Variants in MARCHF1 observed in about 807,000 individuals in gnomAD.
The protein encoded by MARCHF1 is membrane associated ring-CH-type finger 1, also known as E3 ubiquitin-protein ligase MARCHF1.
In MARCHF1, 40 loss-of-function variants were observed where a neutral mutation model predicts 54.2. The ratio of observed to expected loss-of-function variants is 0.74; its 90% CI spans 0.57 to 0.96. The LOEUF (loss-of-function observed/expected upper bound fraction) is 0.96, where lower values mean the gene tolerates loss of function less well. MARCHF1 is among the 40% of genes least tolerant of loss of function. MARCHF1 has a pLI of 0.00. For synonymous variants in MARCHF1, 236 were observed against 236.3 expected (o/e 1.00, Z 0.01); for missense variants, 586 against 656.5 (o/e 0.89, Z 1.17).
At chr4:163,801,950 G>A (rs149655984) in intron 4 of MARCHF1, among the ~76,000 whole-genome samples, 5 of 151,864 alleles carry the variant, frequency 3.3e-5, no homozygotes, top group East Asian at 1.9e-4. Context: ...TAAAATTTCC[G>A]TTGTTTTGGG....
chr4:163,661,388 T>G (rs1033624101), intron 5 of MARCHF1, among the ~76,000 whole-genome samples: 1 of 151,978 alleles, frequency 6.6e-6, no homozygotes, highest in Non-Finnish European at 1.5e-5. Flanking sequence ...TGATCTGAAA[T>G]TTTGGCTTTT....
At chr4:164,138,404 G>C (rs1472356045) in intron 1 of MARCHF1, among the ~76,000 whole-genome samples, 1 of 152,122 alleles carries the variant, frequency 6.6e-6, no homozygotes, top group Non-Finnish European at 1.5e-5. Context: ...CCAAAGAAGA[G>C]TGAGATCCTG....
At chr4:163,864,102 G>T (rs970299541) in intron 3 of MARCHF1, among the ~76,000 whole-genome samples, 3 of 151,906 alleles carry the variant, frequency 2.0e-5, no homozygotes, top group African/African-American at 7.2e-5. Flanking sequence ...CAAAAGTGGA[G>T]GAGAAACATA....
At chr4:164,288,089 G>A (rs918117409) in intron 1 of MARCHF1, among the ~76,000 whole-genome samples, 38 of 152,196 alleles carry the variant, frequency 2.5e-4, no homozygotes, top group African/African-American at 8.9e-4. Flanking sequence ...AAATGTTACA[G>A]GCAGATTACA....
intron 4 of MARCHF1, among the ~76,000 whole-genome samples, chr4:163,780,405 T>A (rs1360481430): frequency 6.6e-6 from 1 of 152,210 alleles, no homozygotes; most frequent in Non-Finnish European, 1.5e-5. Flanking sequence ...AAATGTGAAA[T>A]TTTAAAATTT....
At chr4:163,681,549 G>C (rs894227760) in intron 5 of MARCHF1, among the ~76,000 whole-genome samples, 1 of 152,132 alleles carries the variant, frequency 6.6e-6, no homozygotes, top group Non-Finnish European at 1.5e-5. Flanking sequence ...TATGGGGGGT[G>C]GTTACCCCCA....
At chr4:163,836,928 C>T (rs1749204490) in intron 4 of MARCHF1, among the ~76,000 whole-genome samples, 1 of 151,944 alleles carries the variant, frequency 6.6e-6, no homozygotes, top group Admixed American at 6.6e-5. Flanking sequence ...AAGCAGAAGC[C>T]ATTCTAATGT....
At chr4:163,737,631 G>GTTGGTTCCAAGTC (rs1465267079) in intron 4 of MARCHF1, among the ~76,000 whole-genome samples, 1 of 126,270 alleles carries the variant, frequency 7.9e-6, no homozygotes, top group Non-Finnish European at 1.9e-5. Flanking sequence ...GGACATTTGG[G>GTTGGTTCCAAGTC]TTTGCAGCCA....
chr4:164,260,248 G>A (rs1265034035), intron 1 of MARCHF1, among the ~76,000 whole-genome samples: 2 of 152,030 alleles, frequency 1.3e-5, no homozygotes, highest in African/African-American at 2.4e-5. Context: ...TGCTATTGCT[G>A]CTCCCAAAAC....
chr4:163,970,474 C>T (rs1752526424), intron 3 of MARCHF1, among the ~76,000 whole-genome samples: 1 of 152,016 alleles, frequency 6.6e-6, no homozygotes, highest in South Asian at 2.1e-4. Context: ...GATACATGGA[C>T]GGATGGGTGG....
intron 1 of MARCHF1, among the ~76,000 whole-genome samples, chr4:164,268,004 C>T (rs1733651871): frequency 6.6e-6 from 1 of 152,006 alleles, no homozygotes; most frequent in Non-Finnish European, 1.5e-5. Context: ...AAAAAAAATC[C>T]TCTCTGGACA....
At chr4:163,946,002 T>A (rs1281761177) in intron 3 of MARCHF1, among the ~76,000 whole-genome samples, 3 of 149,924 alleles carry the variant, frequency 2.0e-5, no homozygotes, top group South Asian at 2.1e-4. Context: ...TTAGTGCATT[T>A]AAAAAAAAAA....
intron 1 of MARCHF1, among the ~76,000 whole-genome samples, chr4:164,148,154 C>T (rs894610585): frequency 2.0e-5 from 3 of 151,608 alleles, no homozygotes; most frequent in Non-Finnish European, 4.4e-5. Context: ...CACACACACA[C>T]ACACACACAC....
intron 5 of MARCHF1, among the ~76,000 whole-genome samples, chr4:163,636,222 A>G (rs1429805488): frequency 6.6e-6 from 1 of 151,956 alleles, no homozygotes; most frequent in African/African-American, 2.4e-5. Context: ...CCTATTCAAC[A>G]TAGTGTTGGA....
In MARCHF1 at chr4:163,726,721, T is replaced by C. The variant is rs995478957; in HGVS notation, c.112-25858A>G. On this transcript the variant is annotated intron_variant, in intron 4 of 9. Coordinates refer to ENST00000514618, the MANE Select transcript of MARCHF1 (RefSeq NM_001394959.1). ...TGGCAGTTCCATTTTGCATTCCCAG[T>C]AGCAATAAATGAGTGTTCCTGTTAC... is the stretch of plus-strand genomic sequence containing the variant. Among the ~76,000 whole-genome samples the C allele has an allele frequency of 6.6e-5, 10 of 152,240 alleles. 1 individual carries two copies. The East Asian group carries it at 1.9e-3, about 29-fold the overall frequency.
intron 1 of MARCHF1, among the ~76,000 whole-genome samples, chr4:164,169,002 A>G (rs10016439): frequency 0.19 from 28,786 of 151,994 alleles, 4,383 homozygotes; most frequent in African/African-American, 0.41. Flanking sequence ...AGGATGAGCC[A>G]GTTTAGAGAT....
intron 1 of MARCHF1, among the ~76,000 whole-genome samples, chr4:164,171,319 A>G (rs1430676623): frequency 6.6e-6 from 1 of 152,160 alleles, no homozygotes; most frequent in African/African-American, 2.4e-5. Flanking sequence ...TTCCATTACT[A>G]TAAGTTACTG....
At chr4:164,131,491 A>T (rs1002453074) in intron 1 of MARCHF1, among the ~76,000 whole-genome samples, 2 of 152,174 alleles carry the variant, frequency 1.3e-5, no homozygotes, top group African/African-American at 4.8e-5. Flanking sequence ...TTATAACAGC[A>T]TTGTAATGCA....
intron 1 of MARCHF1, among the ~76,000 whole-genome samples, chr4:164,288,793 G>A (rs1033888102): frequency 4.6e-5 from 7 of 151,928 alleles, no homozygotes; most frequent in African/African-American, 1.7e-4. Flanking sequence ...GAAACACGGG[G>A]AAAAAAATTC....
Sources: allele counts gnomAD v4.1 joint callset (sites outside exome capture counted in the v4.1 genomes callset), GRCh38; gene constraint gnomAD v4.1.1; transcripts MANE v1.5; gene names NCBI Gene and HGNC (gene_info 2026-07-23, HGNC 2026-07-21).